SELENOV: variants seen among roughly 807,000 people sequenced by gnomAD.
SELENOV encodes selenoprotein V.
SELENOV carries 25 observed loss-of-function variants against 21.6 expected under a neutral mutation model. The ratio of observed to expected loss-of-function variants is 1.16; its 90% CI spans 0.84 to 1.62. The LOEUF (loss-of-function observed/expected upper bound fraction) is 1.62. SELENOV is among the 40% of genes most tolerant of loss of function. SELENOV has a pLI of 0.00. For missense variants in SELENOV, 472 were observed against 459.0 expected, an observed-to-expected ratio of 1.03 and a Z score of -0.26; for synonymous variants, 227 against 216.9, an observed-to-expected ratio of 1.05 and a Z score of -0.41.
intron 4 of SELENOV, 33 bp downstream of exon 4, chr19:39,519,010 T>C (rs764884239): frequency 1.2e-6 from 2 of 1,611,302 alleles, no homozygotes; most frequent in Non-Finnish European, 1.7e-6. Context: ...GACAGGGAGG[T>C]GGGGTGGTGC....
chr19:39,516,806 C>T (rs1460942529), intron 1 of SELENOV, among the ~76,000 whole-genome samples: 1 of 151,922 alleles, frequency 6.6e-6, no homozygotes, highest in African/African-American at 2.4e-5. Flanking sequence ...AGCAATTCTC[C>T]TGCCTCAGCC....
At position 39,515,974 on chromosome 19, in the gene SELENOV, C is replaced by A; in HGVS notation, c.762C>A (p.Ser254Arg). 1 of 1,606,278 alleles carries A rather than the reference C, an allele frequency of 6.2e-7. No homozygotes were observed. The change falls in exon 1 of 6, where the codon AGC (serine) becomes AGA (arginine). Residue 254 changes from serine to arginine, a missense_variant. By Grantham distance (110) the Ser-to-Arg change is moderately radical. Coordinates refer to ENST00000335426, the Ensembl canonical transcript of SELENOV. The surrounding 1 kb of genome is among the most constrained non-coding windows in gnomAD (Gnocchi z 5.1). The stretch of plus-strand genomic sequence containing the variant: ...GTACGGAAACCTTCCCCTCCTCCAG[C>A]GAGAACTTCGCGCTGGACAAGAGGG...
In SELENOV at chr19:39,515,305, C is replaced by A. The variant is rs1568454129; in HGVS notation, c.93C>A (p.Leu31=). 1 of 1,551,266 alleles carries A rather than the reference C, an allele frequency of 6.4e-7. No homozygotes were observed. Among genetic ancestry groups the A allele is most frequent in the African/African-American group, 1.4e-5 (1 of 73,134 alleles). ...CCCCGACCCGGACACCGACTCCACT[C>A]CGGACCCCGACTCCGGTCCGGACTC... Residue 31 remains leucine (L), a synonymous_variant, in exon 1 of 6, where the codon CTC becomes CTA. Transcript: ENST00000335426. This position sits in a 1 kb window ranked among gnomAD's most constrained non-coding sequence, Gnocchi z 5.1.
chr19:39,515,384 T>TCC lies in SELENOV; in HGVS notation c.175_176dup (p.Val61TrpfsTer3). On this transcript the variant is annotated frameshift_variant, in exon 1 of 6. Transcript: ENST00000335426. LOFTEE classifies it high-confidence loss of function. This position sits in a 1 kb window ranked among gnomAD's most constrained non-coding sequence, Gnocchi z 5.1. The stretch of plus-strand genomic sequence containing the variant: ...CCTGACTCCGTCTCCAGCCGGGACT[T>TCC]CCCCTCTGGTCCTGACTCCTGCTCC... The TCC allele has an allele frequency of 6.4e-7, 1 of 1,551,156 alleles. No homozygotes were observed. The highest frequency in any genetic ancestry group is 1.4e-5 in the African/African-American group (1 of 72,952).
At position 39,515,123 on chromosome 19, in the gene SELENOV, C is replaced by T; in HGVS notation, c.-90C>T. 1.2e-6 allele frequency: 1 copy of T among 833,392 alleles called. No homozygotes were observed. The highest frequency in any genetic ancestry group is 1.9e-6 in the Non-Finnish European group (1 of 536,444). The allele number at this position is 833,392 out of a possible 1,614,324, so 51.6% of individuals were successfully genotyped here. On this transcript the variant is annotated 5_prime_UTR_variant, in exon 1 of 6. Transcript: ENST00000335426. This position sits in a 1 kb window ranked among gnomAD's most constrained non-coding sequence, Gnocchi z 5.1. ...AGCCCCCAGTGGTCGCGCCGCGTCTCAGAACCCGGTGCGGGAGACGCTCTC... is the reference window on the plus strand; with the variant it reads ...AGCCCCCAGTGGTCGCGCCGCGTCTTAGAACCCGGTGCGGGAGACGCTCTC...
At position 39,519,943 on chromosome 19, in the gene SELENOV, C is replaced by T. The variant is rs1159526806; in HGVS notation, c.*23-203C>T. On this transcript the variant is annotated intron_variant, in intron 5 of 5. Coordinates refer to ENST00000335426, the Ensembl canonical transcript of SELENOV. ...TGGCGCCACTGCACTCCAGCCTGGG[C>T]GACAGAGCGAGACTCTGTCTCAAAA... Among the ~76,000 whole-genome samples the T allele has an allele frequency of 3.0e-3, 345 of 115,690 alleles. 1 individual carries two copies. The highest frequency in any genetic ancestry group is 3.6e-3 in the Non-Finnish European group (223 of 61,796). 75.9% of individuals were successfully genotyped at this position (115,690 alleles called of 152,430 possible).
intron 1 of SELENOV, among the ~76,000 whole-genome samples, chr19:39,517,343 T>C (rs979914838): frequency 1.3e-5 from 2 of 152,248 alleles, no homozygotes; most frequent in African/African-American, 4.8e-5. Context: ...CCAGGTCCTA[T>C]TGGCATCAGG....
chr19:39,516,726 A>C (rs1600763616), intron 1 of SELENOV, among the ~76,000 whole-genome samples: 3 of 116,424 alleles, frequency 2.6e-5, no homozygotes, highest in African/African-American at 6.8e-5. Context: ...ACGGAGTTTC[A>C]CTCTTGTTGC....
intron 1 of SELENOV, among the ~76,000 whole-genome samples, chr19:39,516,694 A>ATTTT (rs74178082): frequency 7.7e-6 from 1 of 129,506 alleles, no homozygotes; most frequent in African/African-American, 2.9e-5. Flanking sequence ...TGCCTGCCTA[A>ATTTT]TTTTTTTTTT....
chr19:39,516,494 GTC>G (rs2079697671), intron 1 of SELENOV, among the ~76,000 whole-genome samples: 1 of 151,548 alleles, frequency 6.6e-6, no homozygotes, highest in African/African-American at 2.4e-5. Context: ...CCCACTCTCT[GTC>G]TCTCTGTCTC....
intron 5 of SELENOV, among the ~76,000 whole-genome samples, chr19:39,519,896 C>T (rs1185270995): frequency 7.4e-6 from 1 of 135,300 alleles, no homozygotes; most frequent in Admixed American, 8.3e-5. Flanking sequence ...ACCTGAGAGG[C>T]GGAGCTTGCA....
chr19:39,517,420 A>G (rs2079702773), intron 1 of SELENOV, among the ~76,000 whole-genome samples: 1 of 152,120 alleles, frequency 6.6e-6, no homozygotes, highest in South Asian at 2.1e-4. Flanking sequence ...TGGAGGGGCA[A>G]GCAAAAAAAC....
At chr19:39,518,713 C>T (rs369699798) in intron 2 of SELENOV, 27 bp from the exon 3 acceptor site, 2 of 1,613,558 alleles carry the variant, frequency 1.2e-6, no homozygotes. Flanking sequence ...TCCCCTGCAA[C>T]CCCATGACCC....
chr19:39,520,644 C>T (rs1426755327), exon 6 of SELENOV: 2 of 152,078 alleles, frequency 1.3e-5, no homozygotes, highest in East Asian at 3.9e-4. Flanking sequence ...TAGTGAGACC[C>T]CAACTCTACA....
At chr19:39,519,011 G>A (rs1348300408) in intron 4 of SELENOV, 34 bp downstream of exon 4, 2 of 1,612,944 alleles carry the variant, frequency 1.2e-6, no homozygotes, top group Non-Finnish European at 1.7e-6. Flanking sequence ...ACAGGGAGGT[G>A]GGGTGGTGCT....
intron 5 of SELENOV, among the ~76,000 whole-genome samples, chr19:39,519,740 C>T (rs556283294): frequency 5.3e-5 from 8 of 151,234 alleles, no homozygotes; most frequent in South Asian, 2.1e-4. Context: ...CCGAGGCGGG[C>T]GGGTCACGAG....
At chr19:39,519,206 G>T (rs2079716421) in intron 5 of SELENOV, 36 bp downstream of exon 5, 2 of 1,459,706 alleles carry the variant, frequency 1.4e-6, no homozygotes, top group Admixed American at 1.8e-5. Flanking sequence ...GGTGGGAGGG[G>T]TGGAGGCCGG....
At chr19:39,516,387 C>G in intron 1 of SELENOV, 1 of 397,134 alleles carries the variant, frequency 2.5e-6, no homozygotes, top group South Asian at 2.0e-5. Flanking sequence ...GGCTTCCCTT[C>G]CCAGCCTCTC....
rs2079690576 is a variant in SELENOV, at chr19:39,515,515, TC to T, written c.306del (p.Val103SerfsTer14). On this transcript the variant is annotated frameshift_variant, in exon 1 of 6. Coordinates refer to ENST00000335426, the Ensembl canonical transcript of SELENOV. LOFTEE classifies it high-confidence loss of function. The surrounding 1 kb of genome is among the most constrained non-coding windows in gnomAD (Gnocchi z 5.1). The stretch of plus-strand genomic sequence containing the variant: ...TCCCTACTCCGGTGCCGACTCCCGT[TC>T]CCGTCCGGAACCCAACTCCGGTCCC... The T allele has an allele frequency of 1.3e-6, 2 of 1,550,232 alleles. No homozygotes were observed. The highest frequency in any genetic ancestry group is 1.7e-6 in the Non-Finnish European group (2 of 1,146,754).
Sources: gnomAD v4.1 joint callset for allele counts (sites outside exome capture counted in the v4.1 genomes callset) on GRCh38, gnomAD v4.1.1 for gene constraint, Gnocchi (gnomAD v3.1) non-coding constraint, MANE v1.5 for transcripts, NCBI Gene and HGNC (gene_info 2026-07-23, HGNC 2026-07-21) for gene names.